The following USP22 variants were observed in gnomAD, a reference collection of about 807,000 sequenced individuals.
USP22 encodes ubiquitin carboxyl-terminal hydrolase 22.
Under a neutral mutation model 68.1 loss-of-function variants are expected in USP22, and 22 were observed. That is an observed-to-expected ratio of 0.32 (90% CI 0.23 to 0.46). The LOEUF is 0.46. Among genes scored for constraint, USP22 ranks in the 20% least tolerant of loss-of-function variants. The pLI, the probability that USP22 is intolerant of heterozygous loss-of-function variation, is 1.00. For synonymous variants in USP22, 279 were observed against 274.2 expected, an observed-to-expected ratio of 1.02 and a Z score of -0.17; for missense variants, 433 against 695.8, an observed-to-expected ratio of 0.62 and a Z score of 4.25.
intron 1 of USP22, among the ~76,000 whole-genome samples, chr17:21,032,854 T>C (rs1972306804): frequency 7.4e-6 from 1 of 134,540 alleles, no homozygotes; most frequent in South Asian, 2.3e-4. Flanking sequence ...GCCCAGGAGG[T>C]CAAGGCTGCA....
At chr17:21,037,495 T>C (rs1295798207) in intron 1 of USP22, among the ~76,000 whole-genome samples, 1 of 152,180 alleles carries the variant, frequency 6.6e-6, no homozygotes, top group Non-Finnish European at 1.5e-5. Context: ...CTCCCTGGTC[T>C]TCCTTCCCAA....
chr17:21,015,480 C>T (rs1158377020), intron 6 of USP22, among the ~76,000 whole-genome samples: 2 of 152,134 alleles, frequency 1.3e-5, no homozygotes, highest in Admixed American at 6.5e-5. Context: ...AAGAGGGCTC[C>T]AAGAGTTTGC....
At chr17:21,032,922 C>CAAAAAAAAAAAAAAAAAAAAAAAA (rs753804890) in intron 1 of USP22, among the ~76,000 whole-genome samples, 1 of 91,578 alleles carries the variant, frequency 1.1e-5, no homozygotes, top group African/African-American at 5.8e-5. Flanking sequence ...GACCCTGTCT[C>CAAAAAAAAAAAAAAAAAAAAAAAA]AAAAAAAAAA....
chr17:21,020,732 A>T (rs1459795797), intron 3 of USP22, among the ~76,000 whole-genome samples: 3 of 152,220 alleles, frequency 2.0e-5, no homozygotes, highest in African/African-American at 7.2e-5. Flanking sequence ...ATGTCCAGAT[A>T]CGGAGTCACC....
chr17:21,016,621 C>T (rs1035630242), intron 5 of USP22, among the ~76,000 whole-genome samples: 10 of 152,192 alleles, frequency 6.6e-5, no homozygotes, highest in Non-Finnish European at 1.3e-4. Context: ...CATGGATGCA[C>T]GCAAGACACG....
intron 8 of USP22, among the ~76,000 whole-genome samples, chr17:21,010,507 G>GC (rs1447456499): frequency 6.6e-6 from 1 of 151,162 alleles, no homozygotes; most frequent in Admixed American, 6.6e-5. Flanking sequence ...TAAAACCCCC[G>GC]CTCTACTAAA....
At chr17:21,015,714 A>G (rs1477259009) in intron 6 of USP22, 38 bp downstream of exon 6, 1 of 1,580,488 alleles carries the variant, frequency 6.3e-7, no homozygotes, top group Admixed American at 1.8e-5. Flanking sequence ...CAAGGAAAAC[A>G]TCCTGCCCTG....
chr17:21,004,380 C>T (rs758542049), intron 11 of USP22, 29 bp from the exon 12 acceptor site: 28 of 1,609,340 alleles, frequency 1.7e-5, no homozygotes, highest in Non-Finnish European at 2.2e-5. Context: ...AGAGGGAGGG[C>T]GCAGGTGACT....
intron 11 of USP22, 133 bp from the exon 12 acceptor site, chr17:21,004,484 G>T: frequency 2.6e-6 from 3 of 1,150,118 alleles, no homozygotes; most frequent in Non-Finnish European, 3.7e-6. Flanking sequence ...AGGGCCTCAG[G>T]CTGATGCACA....
chr17:21,039,365 G>T (rs1167003186), intron 1 of USP22, among the ~76,000 whole-genome samples: 1 of 151,606 alleles, frequency 6.6e-6, no homozygotes, highest in Non-Finnish European at 1.5e-5. Context: ...ATCACCTGAG[G>T]TTGGGAGTTC....
chr17:21,024,382 T>TTCA (rs1436720534), intron 2 of USP22, among the ~76,000 whole-genome samples: 2 of 152,158 alleles, frequency 1.3e-5, no homozygotes, highest in African/African-American at 4.8e-5. Context: ...TTAAGACGCC[T>TTCA]TCACACTGCA....
chr17:21,025,618 G>A (rs1031915773), intron 2 of USP22, among the ~76,000 whole-genome samples: 1 of 152,210 alleles, frequency 6.6e-6, no homozygotes, highest in Non-Finnish European at 1.5e-5. Context: ...GCAGATGAAC[G>A]GATGAAGAAT....
chr17:21,006,598 G>A (rs1913788805), intron 10 of USP22: 2 of 160,430 alleles, frequency 1.2e-5, no homozygotes, highest in African/African-American at 4.8e-5. Context: ...TCCACCTCCT[G>A]GGTTCAAGCG....
chr17:21,024,135 G>A (rs1199137354), intron 2 of USP22, among the ~76,000 whole-genome samples: 1 of 152,124 alleles, frequency 6.6e-6, no homozygotes, highest in East Asian at 1.9e-4. Context: ...CTGTCGCAGA[G>A]CTCAGCCATC....
In USP22 at chr17:21,012,878, T is replaced by C; in HGVS notation, c.896A>G (p.Gln299Arg). Reference sequence around the variant, plus strand: ...TGACTGCAACCCGCCTGTGAAGATCTGGTCTATGATGCAGTTGCAGTGGTT... The same window carrying C: ...TGACTGCAACCCGCCTGTGAAGATCCGGTCTATGATGCAGTTGCAGTGGTT... The part of the protein sequence containing the change: ...NPNHCNCIID[Q>R]IFTGGLQSDV... Residue 299 changes from glutamine to arginine, a missense_variant, in exon 7 of 13, where the codon CAG becomes CGG. Physicochemically the swap from Gln to Arg is conservative, Grantham distance 43. Coordinates refer to ENST00000261497, the MANE Select transcript of USP22 (RefSeq NM_015276.2). 1.2e-6 allele frequency: 2 copies of C among 1,614,026 alleles called. No homozygotes were observed. The highest frequency in any genetic ancestry group is 1.7e-6 in the Non-Finnish European group (2 of 1,180,018).
At chr17:21,019,800 GA>G (rs1972131527) in intron 3 of USP22, among the ~76,000 whole-genome samples, 1 of 152,236 alleles carries the variant, frequency 6.6e-6, no homozygotes, top group Admixed American at 6.5e-5. Context: ...CAGCATGTTG[GA>G]TAGACAGAAT....
In USP22 at chr17:21,002,802, A is replaced by T. The variant is rs1039475439; in HGVS notation, c.*229T>A. 4 of 523,226 alleles carry T rather than the reference A, an allele frequency of 7.6e-6. No homozygotes were observed. The African/African-American group carries it at 7.7e-5, about 10-fold the overall frequency. The allele number at this position is 523,226 out of a possible 1,614,324, so 32.4% of individuals were successfully genotyped here. The stretch of plus-strand genomic sequence containing the variant: ...GTACGCTGCTCCTCCCACCCAGAGC[A>T]CACCCCTCATCTCATCCATCTTCAA... On this transcript the variant is annotated 3_prime_UTR_variant, in exon 13 of 13. Transcript: ENST00000261497.
chr17:21,039,645 G>A (rs1972401815), intron 1 of USP22, among the ~76,000 whole-genome samples: 1 of 152,096 alleles, frequency 6.6e-6, no homozygotes, highest in Non-Finnish European at 1.5e-5. Flanking sequence ...GTCATGTTCT[G>A]CCTGTTAAAA....
chr17:21,023,730 A>G (rs994386518), intron 2 of USP22, among the ~76,000 whole-genome samples: 4 of 151,986 alleles, frequency 2.6e-5, no homozygotes, highest in Admixed American at 1.3e-4. Flanking sequence ...AGCACAGAGG[A>G]AAGACCATGG....
Sources: gnomAD v4.1 joint callset for allele counts (sites outside exome capture counted in the v4.1 genomes callset) on GRCh38, gnomAD v4.1.1 for gene constraint, MANE v1.5 for transcripts, NCBI Gene and HGNC (gene_info 2026-07-23, HGNC 2026-07-21) for gene names.